The following CELF4 variants were observed in gnomAD, a reference collection of about 807,000 sequenced individuals.
The protein encoded by CELF4 is CUG-BP- and ETR-3-like factor 4.
A neutral mutation model predicts 59.9 loss-of-function variants in CELF4; 18 were observed. The observed-to-expected ratio is 0.30, with a 90% CI of 0.21 to 0.45. The LOEUF (loss-of-function observed/expected upper bound fraction) is 0.45, where lower values mean the gene tolerates loss of function less well. CELF4 is among the 20% of genes least tolerant of loss of function. CELF4 has a pLI of 1.00. For synonymous variants in CELF4, 261 were observed against 267.1 expected, an observed-to-expected ratio of 0.98 and a Z score of 0.22; for missense variants, 456 against 689.0, an observed-to-expected ratio of 0.66 and a Z score of 3.79.
At chr18:37,369,662 C>T (rs993173670) in intron 2 of CELF4, among the ~76,000 whole-genome samples, 6 of 152,250 alleles carry the variant, frequency 3.9e-5, no homozygotes, top group Non-Finnish European at 8.8e-5. Context: ...AGCTCAAAGA[C>T]ATGCTATGGC....
intron 2 of CELF4, among the ~76,000 whole-genome samples, chr18:37,480,159 A>T (rs2099862395): frequency 6.6e-6 from 1 of 152,080 alleles, no homozygotes; most frequent in Non-Finnish European, 1.5e-5. Context: ...ATGCTAATAC[A>T]CTCAGCAAGA....
chr18:37,262,453 G>A (rs1045063881), intron 10 of CELF4, among the ~76,000 whole-genome samples: 5 of 152,178 alleles, frequency 3.3e-5, no homozygotes, highest in African/African-American at 9.7e-5. Flanking sequence ...GAAGGAATGA[G>A]GAGGAGTTCA....
chr18:37,274,638 G>C, intron 5 of CELF4, 167 bp downstream of exon 5: 5 of 1,497,984 alleles, frequency 3.3e-6, no homozygotes, highest in Non-Finnish European at 2.7e-6. Flanking sequence ...GGTAACCTCA[G>C]GCCAGTTCCT....
At chr18:37,498,408 C>T (rs1051408818) in intron 1 of CELF4, among the ~76,000 whole-genome samples, 1 of 141,392 alleles carries the variant, frequency 7.1e-6, no homozygotes, top group African/African-American at 2.7e-5. Flanking sequence ...CTCTTCCCTC[C>T]TCTTCCCTCT....
chr18:37,425,879 T>C (rs1381780306), intron 2 of CELF4, among the ~76,000 whole-genome samples: 1 of 152,224 alleles, frequency 6.6e-6, no homozygotes, highest in East Asian at 1.9e-4. Context: ...AGAGAGTTGG[T>C]TCTCTGTTAG....
rs865913212 is a variant in CELF4, at chr18:37,318,641, C to G, written c.448+3162G>C. 8.1e-4 allele frequency among the ~76,000 whole-genome samples: 104 copies of G among 129,052 alleles called. 1 individual carries two copies. The highest frequency in any genetic ancestry group is 3.7e-3 in the African/African-American group (87 of 23,472). The allele number at this position is 129,052 out of a possible 152,430, so 84.7% of individuals were successfully genotyped here. On this transcript the variant is annotated intron_variant, in intron 3 of 12. Transcript: ENST00000420428. ...GCTTTCCCTACACCTCCCCCCCCCC[C>G]CACTTTCTACTGCAAGAAGAATAAA...
chr18:37,306,571 G>A (rs530528911), intron 3 of CELF4, among the ~76,000 whole-genome samples: 2 of 152,350 alleles, frequency 1.3e-5, no homozygotes, highest in African/African-American at 2.4e-5. Flanking sequence ...CCGGGTGGCT[G>A]CTCACTGAGT....
In CELF4 at chr18:37,292,035, TA is replaced by T. The variant is rs10565799; in HGVS notation, c.449-16793del. 1.5e-3 allele frequency among the ~76,000 whole-genome samples: 223 copies of T among 148,384 alleles called. 1 individual carries two copies. The highest frequency in any genetic ancestry group is 4.1e-3 in the African/African-American group (167 of 40,852). ...CTGGTGAATGAGATTAGCACCCTTA[TA>T]AAAAAAAAAAAGAGGCCTGAGGGAG... is the stretch of plus-strand genomic sequence containing the variant. On this transcript the variant is annotated intron_variant, in intron 3 of 12. Transcript: ENST00000420428.
At chr18:37,334,745 T>C (rs1342101251) in intron 2 of CELF4, among the ~76,000 whole-genome samples, 1 of 151,184 alleles carries the variant, frequency 6.6e-6, no homozygotes, top group African/African-American at 2.4e-5. Flanking sequence ...AGCTCCTTTC[T>C]CTCTCCTGTG....
At chr18:37,330,942 A>T (rs751131566) in intron 2 of CELF4, among the ~76,000 whole-genome samples, 1 of 152,242 alleles carries the variant, frequency 6.6e-6, no homozygotes, top group Non-Finnish European at 1.5e-5. Context: ...CCGACCAGAC[A>T]GAAGAACCGG....
chr18:37,408,459 GT>G lies in CELF4; in HGVS notation c.369+77065del, dbSNP rs5824056. The stretch of plus-strand genomic sequence containing the variant: ...CTACACACATGGAAAAATCAAGAAG[GT>G]TTTTTTTTTTTTTTCCCCCTTTGGT... On this transcript the variant is annotated intron_variant, in intron 2 of 12. Coordinates refer to ENST00000420428, the MANE Select transcript of CELF4 (RefSeq NM_020180.4). 7.4e-3 allele frequency among the ~76,000 whole-genome samples: 933 copies of G among 126,814 alleles called. 7 individuals are homozygous for G. Among genetic ancestry groups the G allele is most frequent in the African/African-American group, 0.017 (598 of 34,710 alleles). The allele number at this position is 126,814 out of a possible 152,430, so 83.2% of individuals were successfully genotyped here.
intron 2 of CELF4, among the ~76,000 whole-genome samples, chr18:37,364,095 A>T (rs1219323825): frequency 1.3e-5 from 2 of 152,170 alleles, no homozygotes; most frequent in African/African-American, 4.8e-5. Flanking sequence ...TTGTCCTCAG[A>T]TTCCTTTAAA....
chr18:37,342,641 G>C (rs889696885), intron 2 of CELF4, among the ~76,000 whole-genome samples: 8 of 152,218 alleles, frequency 5.3e-5, no homozygotes, highest in Non-Finnish European at 8.8e-5. Flanking sequence ...CAGAGTGGGG[G>C]AGCCTGGGTT....
chr18:37,538,007 T>C (rs1269134528), intron 1 of CELF4, among the ~76,000 whole-genome samples: 1 of 152,224 alleles, frequency 6.6e-6, no homozygotes, highest in East Asian at 1.9e-4. Flanking sequence ...TGAATCCAGC[T>C]CTGGAGGCGG....
intron 2 of CELF4, among the ~76,000 whole-genome samples, chr18:37,476,920 C>T (rs2154602826): frequency 6.6e-6 from 1 of 152,370 alleles, no homozygotes; most frequent in African/African-American, 2.4e-5. Context: ...AAGCACCTTC[C>T]ACACAGCACT....
intron 1 of CELF4, among the ~76,000 whole-genome samples, chr18:37,565,011 T>C (rs1428167323): frequency 1.3e-5 from 2 of 151,990 alleles, no homozygotes; most frequent in South Asian, 2.1e-4. Context: ...CTCAGCGTCC[T>C]GGGCTCGACC....
chr18:37,523,859 G>C (rs1450553450), intron 1 of CELF4, among the ~76,000 whole-genome samples: 4 of 151,770 alleles, frequency 2.6e-5, no homozygotes, highest in African/African-American at 4.9e-5. Context: ...GGTGAAGGTG[G>C]GAGGAGGGTG....
At chr18:37,379,712 G>A (rs1057245436) in intron 2 of CELF4, among the ~76,000 whole-genome samples, 3 of 152,066 alleles carry the variant, frequency 2.0e-5, no homozygotes, top group African/African-American at 7.2e-5. Context: ...AGGAATAAAG[G>A]TCAGACTCAG....
chr18:37,521,325 G>A (rs930805148), intron 1 of CELF4, among the ~76,000 whole-genome samples: 3 of 151,988 alleles, frequency 2.0e-5, no homozygotes, highest in Non-Finnish European at 2.9e-5. Context: ...AAGTAATAAT[G>A]GTCCCCCAGC....
Sources: allele counts gnomAD v4.1 joint callset (sites outside exome capture counted in the v4.1 genomes callset), GRCh38; gene constraint gnomAD v4.1.1; transcripts MANE v1.5; gene names NCBI Gene and HGNC (gene_info 2026-07-23, HGNC 2026-07-21).